SAMD4A: variants seen among roughly 807,000 people sequenced by gnomAD.
SAMD4A encodes sterile alpha motif domain containing 4A.
In SAMD4A, 33 loss-of-function variants were observed where a neutral mutation model predicts 81.3. The observed-to-expected ratio is 0.41, with a 90% CI of 0.31 to 0.54. The LOEUF is 0.54. SAMD4A is among the 20% of genes least tolerant of loss of function. SAMD4A has a pLI of 0.37. For synonymous variants in SAMD4A, 389 were observed against 382.1 expected (o/e 1.02, Z -0.21); for missense variants, 854 against 951.1 (o/e 0.90, Z 1.34).
chr14:54,677,934 TTCTG>T (rs746432370), intron 2 of SAMD4A, among the ~76,000 whole-genome samples: 32 of 152,246 alleles, frequency 2.1e-4, no homozygotes, highest in East Asian at 5.8e-4. Context: ...CATTCATTCA[TTCTG>T]TCTGTCTGTC....
intron 2 of SAMD4A, among the ~76,000 whole-genome samples, chr14:54,657,898 C>T (rs893665745): frequency 6.6e-6 from 1 of 152,300 alleles, no homozygotes. Context: ...ATCTGAGGCT[C>T]TGTAGGTGTG....
At chr14:54,761,944 T>G (rs973117403) in intron 7 of SAMD4A, among the ~76,000 whole-genome samples, 1 of 152,240 alleles carries the variant, frequency 6.6e-6, no homozygotes, top group Non-Finnish European at 1.5e-5. Context: ...CACAGACCAC[T>G]TTTAATAGCT....
intron 2 of SAMD4A, among the ~76,000 whole-genome samples, chr14:54,665,334 G>T (rs543273063): frequency 1.3e-5 from 2 of 152,296 alleles, no homozygotes; most frequent in South Asian, 4.1e-4. Context: ...CATGAACTTT[G>T]TGAGAAAACA....
chr14:54,688,197 A>C lies in SAMD4A; in HGVS notation c.197-13865A>C, dbSNP rs80287664. The C allele has an allele frequency of 7.6e-4, 748 of 985,450 alleles. 14 individuals carry two copies. The East Asian group carries it at 0.059, about 78-fold the overall frequency. The allele number at this position is 985,450 out of a possible 1,614,324, so 61.0% of individuals were successfully genotyped here. ...AGCAAAATATTATGGTCCTCTAATC[A>C]AGAGAATTTTGCTCCTGTTACTGCA... is the stretch of plus-strand genomic sequence containing the variant. On this transcript the variant is annotated intron_variant, in intron 2 of 12. Transcript: ENST00000554335.
At chr14:54,703,816 A>G (rs2036782187) in intron 3 of SAMD4A, 1 of 152,136 alleles carries the variant, frequency 6.6e-6, no homozygotes, top group Non-Finnish European at 1.5e-5. Flanking sequence ...TTGCAGTGAG[A>G]TGAGATTGTG....
At position 54,763,181 on chromosome 14, in the gene SAMD4A, G is replaced by T. The variant is rs147079211; in HGVS notation, c.1511-1274G>T. Among the ~76,000 whole-genome samples the T allele has an allele frequency of 4.8e-4, 71 of 149,412 alleles. 1 individual carries two copies. In the East Asian group the frequency reaches 9.5e-3, roughly 20 times the overall value. On this transcript the variant is annotated intron_variant, in intron 7 of 12. Transcript: ENST00000554335. ...AATATTCACTTTTATACACACGCAG[G>T]CCTTATTTACATTCTTTTCTACAGG... is the stretch of plus-strand genomic sequence containing the variant.
intron 2 of SAMD4A, among the ~76,000 whole-genome samples, chr14:54,640,369 T>A (rs79592375): frequency 9.1e-4 from 139 of 152,306 alleles, no homozygotes; most frequent in African/African-American, 3.2e-3. Context: ...GAGGTCCCTA[T>A]TGACACAGAA....
chr14:54,752,539 A>C (rs1273246200), intron 6 of SAMD4A, among the ~76,000 whole-genome samples: 1 of 152,246 alleles, frequency 6.6e-6, no homozygotes, highest in African/African-American at 2.4e-5. Context: ...TGAGCACATC[A>C]ACATTTAATG....
At chr14:54,573,773 C>T (rs1176706050) in intron 2 of SAMD4A, among the ~76,000 whole-genome samples, 1 of 152,150 alleles carries the variant, frequency 6.6e-6, no homozygotes, top group Non-Finnish European at 1.5e-5. Flanking sequence ...CAGGATTTTC[C>T]CAAAGAAAGC....
In SAMD4A at chr14:54,740,694, G is replaced by A. The variant is rs77217263; in HGVS notation, c.979+3407G>A. Among the ~76,000 whole-genome samples the A allele has an allele frequency of 6.5e-3, 989 of 152,212 alleles. 11 individuals carry two copies. The highest frequency in any genetic ancestry group is 0.023 in the African/African-American group (946 of 41,508). On this transcript the variant is annotated intron_variant, in intron 4 of 12. Transcript: ENST00000554335. Reference sequence around the variant, plus strand: ...ATGGTCCAGCATTCTTGCTCTTTGCGTTTTTCCCATGCATGGATCAAGCCC... The same window carrying A: ...ATGGTCCAGCATTCTTGCTCTTTGCATTTTTCCCATGCATGGATCAAGCCC...
chr14:54,565,980 C>T (rs1032341526), upstream of SAMD4A, among the ~76,000 whole-genome samples: 4 of 151,864 alleles, frequency 2.6e-5, no homozygotes, highest in East Asian at 5.8e-4. This position sits in a 1 kb window ranked among gnomAD's most constrained non-coding sequence, Gnocchi z 5.4. Flanking sequence ...TTCCTCCCCC[C>T]GGCTCCCCCC....
chr14:54,675,381 A>AAAAAAAAAAAAAC (rs1447270576), intron 2 of SAMD4A, among the ~76,000 whole-genome samples: 1 of 151,082 alleles, frequency 6.6e-6, no homozygotes, highest in Admixed American at 6.6e-5. Context: ...AAAAAAAAAA[A>AAAAAAAAAAAAAC]AAAAAAGGCA....
intron 2 of SAMD4A, among the ~76,000 whole-genome samples, chr14:54,644,263 T>A (rs1379446874): frequency 6.6e-6 from 1 of 152,180 alleles, no homozygotes; most frequent in Non-Finnish European, 1.5e-5. Context: ...TAAATGCAAA[T>A]CTTCTCAAAG....
chr14:54,755,423 G>C (rs987047212), intron 6 of SAMD4A, among the ~76,000 whole-genome samples: 8 of 152,140 alleles, frequency 5.3e-5, no homozygotes, highest in African/African-American at 1.9e-4. Context: ...CTGATAATAG[G>C]TACTCCCCAG....
chr14:54,662,450 C>G (rs1240419541), intron 2 of SAMD4A, among the ~76,000 whole-genome samples: 1 of 148,694 alleles, frequency 6.7e-6, no homozygotes, highest in Non-Finnish European at 1.5e-5. Context: ...TGCTTTGTTG[C>G]CCAGGCTGGA....
Position 54,602,735 on chromosome 14 carries a change from A to C in SAMD4A, c.196+34623A>C, listed in dbSNP as rs1028411419. Among the ~76,000 whole-genome samples, 4 of 151,982 alleles carry C rather than the reference A, an allele frequency of 2.6e-5. No homozygotes were observed. In the East Asian group the frequency reaches 7.7e-4, roughly 29 times the overall value. ...TGGGTGCAGCACACCAACACGGCAC[A>C]TGTATACATATGTAACAAACCTGCA... On this transcript the variant is annotated intron_variant, in intron 2 of 12. Transcript: ENST00000554335.
chr14:54,737,178 C>T lies in SAMD4A; in HGVS notation c.870C>T (p.Pro290=). The change falls in exon 4 of 13, where the codon CCC becomes CCT. Residue 290 remains proline (P), a synonymous_variant. Coordinates refer to ENST00000554335, the MANE Select transcript of SAMD4A (RefSeq NM_015589.6). ...AGTGCCTCCCATCCGATCATGCCCCCCTGTCTCCACAAAGCAGTGTAGCCT... is the reference window on the plus strand; with the variant it reads ...AGTGCCTCCCATCCGATCATGCCCCTCTGTCTCCACAAAGCAGTGTAGCCT... The part of the protein sequence containing the change: ...GPQCLPSDHA[P]LSPQSSVASS... 1.2e-6 allele frequency: 2 copies of T among 1,614,104 alleles called. No individual in the cohort carries two copies. Among genetic ancestry groups the T allele is most frequent in the Non-Finnish European group, 1.7e-6 (2 of 1,180,014 alleles).
chr14:54,701,621 T>A (rs761485876), intron 2 of SAMD4A, among the ~76,000 whole-genome samples: 1 of 152,214 alleles, frequency 6.6e-6, no homozygotes, highest in Non-Finnish European at 1.5e-5. Flanking sequence ...TAAATCACTT[T>A]CAACAGATGT....
chr14:54,712,458 T>A (rs1333064624), intron 3 of SAMD4A, among the ~76,000 whole-genome samples: 1 of 152,140 alleles, frequency 6.6e-6, no homozygotes, highest in African/African-American at 2.4e-5. Flanking sequence ...TCCTTCCCCT[T>A]TGGGGGAAAC....
Sources: allele counts gnomAD v4.1 joint callset (sites outside exome capture counted in the v4.1 genomes callset), GRCh38; gene constraint gnomAD v4.1.1; non-coding constraint Gnocchi (gnomAD v3.1); transcripts MANE v1.5; gene names NCBI Gene and HGNC (gene_info 2026-07-23, HGNC 2026-07-21).